The following PCCA variants were observed in gnomAD, a reference collection of about 807,000 sequenced individuals.
PCCA encodes propionyl-CoA carboxylase subunit alpha.
PCCA carries 74 observed loss-of-function variants against 101.3 expected under a neutral mutation model. The ratio of observed to expected loss-of-function variants is 0.73; its 90% confidence interval spans 0.61 to 0.89. PCCA has a LOEUF of 0.89. Among genes scored for constraint, PCCA ranks in the 40% least tolerant of loss-of-function variants. PCCA has a pLI of 0.00. For synonymous variants in PCCA, 294 were observed against 313.6 expected, an observed-to-expected ratio of 0.94 and a Z score of 0.66; for missense variants, 891 against 907.0, an observed-to-expected ratio of 0.98 and a Z score of 0.23.
intron 21 of PCCA, chr13:100,491,015 G>A (rs2084865119): frequency 6.6e-6 from 1 of 152,248 alleles, no homozygotes; most frequent in East Asian, 1.9e-4. Context: ...CCCTAGGTCT[G>A]GGATGGGGCT....
chr13:100,151,598 A>G (rs1052744177), intron 4 of PCCA, among the ~76,000 whole-genome samples: 1 of 152,050 alleles, frequency 6.6e-6, no homozygotes, highest in East Asian at 1.9e-4. Flanking sequence ...CTCAAAAAAA[A>G]AACCAAACAA....
chr13:100,425,849 CTTTTTA>C, intron 20 of PCCA, 118 bp downstream of exon 20: 1 of 719,540 alleles, frequency 1.4e-6, no homozygotes, highest in South Asian at 1.6e-5. Flanking sequence ...TCACCTTATA[CTTTTTA>C]CAGTCGAAAA....
intron 10 of PCCA, among the ~76,000 whole-genome samples, chr13:100,266,522 G>T (rs749692715): frequency 2.6e-5 from 4 of 152,090 alleles, no homozygotes; most frequent in Non-Finnish European, 5.9e-5. Context: ...ATGATAAAGG[G>T]TAATTAATAA....
intron 22 of PCCA, among the ~76,000 whole-genome samples, chr13:100,522,129 G>C (rs1302684943): frequency 1.3e-5 from 2 of 152,210 alleles, no homozygotes; most frequent in Non-Finnish European, 2.9e-5. Flanking sequence ...TTCATGCCCT[G>C]CTTCTGTACA....
chr13:100,441,196 G>A (rs1178145532), intron 20 of PCCA, among the ~76,000 whole-genome samples: 5 of 152,018 alleles, frequency 3.3e-5, no homozygotes, highest in South Asian at 2.1e-4. Flanking sequence ...TTATATTTTC[G>A]TTGCTGCCTG....
At chr13:100,148,421 A>T (rs889668327) in intron 4 of PCCA, among the ~76,000 whole-genome samples, 2 of 71,370 alleles carry the variant, frequency 2.8e-5, no homozygotes, top group East Asian at 6.2e-4. Flanking sequence ...CACCCACCCC[A>T]CCCCTACTCT....
chr13:100,349,855 T>C (rs1199751184), intron 18 of PCCA, among the ~76,000 whole-genome samples: 1 of 152,184 alleles, frequency 6.6e-6, no homozygotes, highest in Non-Finnish European at 1.5e-5. Flanking sequence ...TACTTCCTCT[T>C]GGGTTCTTTG....
chr13:100,503,751 A>C (rs1241553106), intron 21 of PCCA, among the ~76,000 whole-genome samples: 2 of 151,984 alleles, frequency 1.3e-5, no homozygotes, highest in African/African-American at 4.8e-5. Context: ...AAAAAATTTA[A>C]AAAAAAATTA....
intron 20 of PCCA, among the ~76,000 whole-genome samples, chr13:100,429,446 G>A (rs2079386006): frequency 6.6e-6 from 1 of 151,900 alleles, no homozygotes; most frequent in African/African-American, 2.4e-5. Flanking sequence ...GATTACTATA[G>A]TAACTGTAGG....
intron 21 of PCCA, among the ~76,000 whole-genome samples, chr13:100,460,538 A>G (rs1455921128): frequency 6.6e-6 from 1 of 152,230 alleles, no homozygotes; most frequent in Non-Finnish European, 1.5e-5. Flanking sequence ...GCTTAGCCAG[A>G]GATCTAATGA....
intron 9 of PCCA, among the ~76,000 whole-genome samples, 161 bp downstream of exon 9, chr13:100,257,834 C>T (rs1219965696): frequency 6.6e-6 from 1 of 152,076 alleles, no homozygotes; most frequent in Non-Finnish European, 1.5e-5. Context: ...ATGTGGAAAC[C>T]TTCCTTATTT....
At chr13:100,100,529 G>A (rs2047179697) in intron 1 of PCCA, among the ~76,000 whole-genome samples, 1 of 152,216 alleles carries the variant, frequency 6.6e-6, no homozygotes, top group Non-Finnish European at 1.5e-5. Flanking sequence ...AAAATTCTGT[G>A]TAGAGGTCCA....
intron 4 of PCCA, among the ~76,000 whole-genome samples, chr13:100,141,205 A>G (rs2051828251): frequency 6.6e-6 from 1 of 152,052 alleles, no homozygotes; most frequent in Admixed American, 6.6e-5. Context: ...CTTTCCCATC[A>G]GTCCCTTTTC....
chr13:100,358,183 A>G (rs2074149331), intron 18 of PCCA, among the ~76,000 whole-genome samples: 1 of 152,218 alleles, frequency 6.6e-6, no homozygotes, highest in Admixed American at 6.5e-5. Flanking sequence ...AATAGTTCCT[A>G]GTACAACATA....
intron 19 of PCCA, among the ~76,000 whole-genome samples, chr13:100,414,160 G>T (rs1214420957): frequency 1.3e-5 from 2 of 152,060 alleles, no homozygotes; most frequent in African/African-American, 2.4e-5. Flanking sequence ...ATAATCTTTT[G>T]TGACAGATTG....
intron 21 of PCCA, among the ~76,000 whole-genome samples, chr13:100,477,876 A>G (rs1027789620): frequency 2.6e-5 from 4 of 152,118 alleles, no homozygotes; most frequent in African/African-American, 9.7e-5. Flanking sequence ...CCTGGATTGA[A>G]TGCAGCCCTT....
At chr13:100,507,789 T>C (rs981751953) in intron 21 of PCCA, among the ~76,000 whole-genome samples, 16 of 151,498 alleles carry the variant, frequency 1.1e-4, no homozygotes, top group African/African-American at 3.9e-4. Context: ...CCCGAGCAGC[T>C]AGGATTACAA....
intron 4 of PCCA, among the ~76,000 whole-genome samples, chr13:100,154,055 G>A (rs1448273546): frequency 6.7e-6 from 1 of 150,238 alleles, no homozygotes; most frequent in East Asian, 1.9e-4. Flanking sequence ...TTTTTTTTTT[G>A]GTAGAAGGTG....
chr13:100,397,969 C>T (rs932803140), intron 19 of PCCA, among the ~76,000 whole-genome samples: 2 of 152,178 alleles, frequency 1.3e-5, no homozygotes, highest in Non-Finnish European at 1.5e-5. Flanking sequence ...TGAGAACTGG[C>T]ATAAGTCTCT....
Sources: allele counts gnomAD v4.1 joint callset (sites outside exome capture counted in the v4.1 genomes callset), GRCh38; gene constraint gnomAD v4.1.1; transcripts MANE v1.5; gene names NCBI Gene and HGNC (gene_info 2026-07-23, HGNC 2026-07-21).